The following TRIO variants were observed in gnomAD, a reference collection of about 807,000 sequenced individuals.
TRIO encodes trio Rho guanine nucleotide exchange factor, also known as triple functional domain protein.
A neutral mutation model predicts 351.9 loss-of-function variants in TRIO; 58 were observed. The observed-to-expected ratio is 0.16, with a 90% confidence interval of 0.13 to 0.21. The LOEUF (loss-of-function observed/expected upper bound fraction) is 0.21. Ranked by LOEUF, TRIO falls within the 10% of genes least tolerant of loss-of-function variation. The pLI, the probability that TRIO is intolerant of heterozygous loss-of-function variation, is 1.00. For missense variants in TRIO, 3,201 were observed against 4,027.8 expected (o/e 0.79, Z 5.56); for synonymous variants, 1,758 against 1,595.7 (o/e 1.10, Z -2.42).
chr5:14,475,829 C>CGCA (rs1361685324), intron 40 of TRIO, among the ~76,000 whole-genome samples: 1 of 96,604 alleles, frequency 1.0e-5, no homozygotes, highest in Admixed American at 9.8e-5. Context: ...ATGCTGTCTG[C>CGCA]GCAGCGGGGA....
chr5:14,195,648 C>T (rs746007755), intron 1 of TRIO, among the ~76,000 whole-genome samples: 4 of 152,144 alleles, frequency 2.6e-5, no homozygotes, highest in Non-Finnish European at 4.4e-5. Flanking sequence ...TAAATTCTTC[C>T]GCTTATTCCA....
In TRIO at chr5:14,488,056, C is replaced by T; in HGVS notation, c.7428C>T (p.Ser2476=). 2 of 1,609,468 alleles carry T rather than the reference C, an allele frequency of 1.2e-6. No homozygotes were observed. Among genetic ancestry groups the T allele is most frequent in the Non-Finnish European group, 1.7e-6 (2 of 1,178,844 alleles). The change falls in exon 48 of 57, where the codon AGC becomes AGT. Residue 2476 remains serine (S), a synonymous_variant. Coordinates refer to ENST00000344204, the MANE Select transcript of TRIO (RefSeq NM_007118.4). ...TCGGCAAGGAGCCCTTCCCCCCCAG[C>T]AGCCCCCTGCAGAAGGGGGGCTCCT... ...PSLGKEPFPP[S]SPLQKGGSFW...
chr5:14,156,705 T>C (rs1788121443), intron 1 of TRIO, among the ~76,000 whole-genome samples: 1 of 152,164 alleles, frequency 6.6e-6, no homozygotes, highest in Non-Finnish European at 1.5e-5. Flanking sequence ...CACACCACGG[T>C]GATAAATGAA....
chr5:14,171,025 A>T (rs1416185574), intron 1 of TRIO, among the ~76,000 whole-genome samples: 1 of 152,218 alleles, frequency 6.6e-6, no homozygotes, highest in Non-Finnish European at 1.5e-5. Context: ...TAGCATTCCA[A>T]ATCTTAAATT....
rs1247614231 is a variant in TRIO at position 14,400,991 on chromosome 5, T to C, written c.4643T>C (p.Val1548Ala). 6.2e-7 allele frequency: 1 copy of C among 1,614,108 alleles called. No homozygotes were observed. Among genetic ancestry groups the C allele is most frequent in the Non-Finnish European group, 8.5e-7 (1 of 1,180,000 alleles). ...TCAGAGTTGGGTGTCACAGAACATG[T>C]TGAAGGAGACCCTTGCAAATTTGCA... ...FTSELGVTEH[V>A]EGDPCKFALW... The change falls in exon 31 of 57, where the codon GTT becomes GCT. Residue 1548 changes from valine to alanine, a missense_variant. Coordinates refer to ENST00000344204, the MANE Select transcript of TRIO (RefSeq NM_007118.4).
chr5:14,426,019 A>T (rs1259237439), intron 34 of TRIO, among the ~76,000 whole-genome samples: 1 of 152,140 alleles, frequency 6.6e-6, no homozygotes, highest in East Asian at 1.9e-4. Context: ...TCAATAATAT[A>T]TTTCAAGTAT....
chr5:14,429,255 A>T lies in TRIO; in HGVS notation c.5203+9234A>T, dbSNP rs570571838. Among the ~76,000 whole-genome samples, 3 of 152,308 alleles carry T rather than the reference A, an allele frequency of 2.0e-5. No individual in the cohort carries two copies. In the East Asian group the frequency reaches 5.8e-4, roughly 29 times the overall value. ...TTTAGCAGCTCATGGCTCTGAGGGC[A>T]CCTGATAACACAGCAGCCAGGCGCT... On this transcript the variant is annotated intron_variant, in intron 34 of 56. Transcript: ENST00000344204.
intron 48 of TRIO, among the ~76,000 whole-genome samples, chr5:14,490,159 G>A (rs1355283849): frequency 7.4e-6 from 1 of 135,054 alleles, no homozygotes; most frequent in African/African-American, 3.0e-5. Flanking sequence ...CGCACCTATA[G>A]TCCCAGCTAC....
At chr5:14,247,205 C>T (rs1488418970) in intron 1 of TRIO, among the ~76,000 whole-genome samples, 1 of 152,232 alleles carries the variant, frequency 6.6e-6, no homozygotes. Flanking sequence ...CCTCTGCTGC[C>T]CTCGGCTGGA....
chr5:14,241,890 G>T (rs1008363889), intron 1 of TRIO, among the ~76,000 whole-genome samples: 7 of 152,190 alleles, frequency 4.6e-5, no homozygotes, highest in Admixed American at 3.3e-4. Context: ...TTTTTTTGTA[G>T]CAGTTCAATA....
chr5:14,472,232 GA>G (rs1374557562), intron 38 of TRIO, among the ~76,000 whole-genome samples: 3 of 152,286 alleles, frequency 2.0e-5, no homozygotes, highest in Non-Finnish European at 1.5e-5. Context: ...TATAGCCAGT[GA>G]AGGTTAAAAT....
At chr5:14,359,623 T>A in intron 13 of TRIO, 92 bp downstream of exon 13, 1 of 1,424,296 alleles carries the variant, frequency 7.0e-7, no homozygotes, top group Non-Finnish European at 9.6e-7. Flanking sequence ...CCTGCTGAGG[T>A]CCTGTGTCCT....
chr5:14,464,057 G>T (rs1308805176), intron 36 of TRIO, among the ~76,000 whole-genome samples: 1 of 152,066 alleles, frequency 6.6e-6, no homozygotes, highest in African/African-American at 2.4e-5. Context: ...TGCATCTGAG[G>T]TTCAGGCTCC....
intron 43 of TRIO, 110 bp from the exon 44 acceptor site, chr5:14,481,124 A>C (rs1231115795): frequency 2.5e-6 from 3 of 1,211,016 alleles, no homozygotes; most frequent in Admixed American, 4.3e-5. Context: ...CCAGGAGTTC[A>C]AGACCAGCTT....
In TRIO at chr5:14,497,256, G is replaced by A. The variant is rs1334885274; in HGVS notation, c.8019+239G>A. ...TGCACACTTCCGCAGGTGCACATGTGGCTTCTAAAGAATATGGTTAGGTTT... is the reference window on the plus strand; with the variant it reads ...TGCACACTTCCGCAGGTGCACATGTAGCTTCTAAAGAATATGGTTAGGTTT... On this transcript the variant is annotated intron_variant, in intron 50 of 56. Transcript: ENST00000344204. This position sits in a 1 kb window ranked among gnomAD's most constrained non-coding sequence, Gnocchi z 4.4. Among the ~76,000 whole-genome samples the A allele has an allele frequency of 6.6e-6, 1 of 152,202 alleles. No individual in the cohort carries two copies. The highest frequency in any genetic ancestry group is 2.4e-5 in the African/African-American group (1 of 41,446).
At chr5:14,457,475 C>T (rs1413530850) in intron 34 of TRIO, among the ~76,000 whole-genome samples, 2 of 146,428 alleles carry the variant, frequency 1.4e-5, no homozygotes, top group Non-Finnish European at 3.0e-5. Flanking sequence ...AAATCTCTTT[C>T]GAACCAGCTT....
In TRIO at chr5:14,347,579, G is replaced by A. The variant is rs552889216; in HGVS notation, c.2047-10599G>A. Reference sequence around the variant, plus strand: ...CCGGAAAACTACTTTGCTGTGTTAAGCGCTATTTTTCTTAAAAATGGGCAA... The same window carrying A: ...CCGGAAAACTACTTTGCTGTGTTAAACGCTATTTTTCTTAAAAATGGGCAA... On this transcript the variant is annotated intron_variant, in intron 11 of 56. Transcript: ENST00000344204. Among the ~76,000 whole-genome samples the A allele has an allele frequency of 2.0e-5, 3 of 152,364 alleles. No homozygotes were observed. The East Asian group carries it at 5.8e-4, about 29-fold the overall frequency.
chr5:14,216,885 G>A (rs1006782993), intron 1 of TRIO, among the ~76,000 whole-genome samples: 2 of 152,318 alleles, frequency 1.3e-5, no homozygotes, highest in South Asian at 4.2e-4. Context: ...GCCAGACCAA[G>A]GTCTCATCGT....
At chr5:14,176,639 G>A (rs918535542) in intron 1 of TRIO, among the ~76,000 whole-genome samples, 1 of 152,066 alleles carries the variant, frequency 6.6e-6, no homozygotes, top group African/African-American at 2.4e-5. Flanking sequence ...TTTTTTTGTA[G>A]CGGTGGAGTT....
Sources: gnomAD v4.1 joint callset for allele counts (sites outside exome capture counted in the v4.1 genomes callset) on GRCh38, gnomAD v4.1.1 for gene constraint, Gnocchi (gnomAD v3.1) non-coding constraint, MANE v1.5 for transcripts, NCBI Gene and HGNC (gene_info 2026-07-23, HGNC 2026-07-21) for gene names.